The following PLA2G6 variants were observed in gnomAD, a reference collection of about 807,000 sequenced individuals.
The protein encoded by PLA2G6 is phospholipase A2 group VI, also known as 85/88 kDa calcium-independent phospholipase A2.
Under a neutral mutation model 83.8 loss-of-function variants are expected in PLA2G6, and 62 were observed. The ratio of observed to expected loss-of-function variants is 0.74; its 90% CI spans 0.60 to 0.91. The LOEUF is 0.91. Among genes scored for constraint, PLA2G6 ranks in the 40% least tolerant of loss-of-function variants. The pLI, the probability that PLA2G6 is intolerant of heterozygous loss-of-function variation, is 0.00. For missense variants in PLA2G6, 944 were observed against 1,102.0 expected (o/e 0.86, Z 2.03); for synonymous variants, 417 against 449.8 (o/e 0.93, Z 0.92).
At position 38,143,219 on chromosome 22, in the gene PLA2G6, C is replaced by G. The variant is rs150190277; in HGVS notation, c.495G>C (p.Gly165=). 7.2e-4 allele frequency: 1,165 copies of G among 1,614,166 alleles called. 6 individuals are homozygous for G. In the African/African-American group the frequency reaches 0.012, roughly 17 times the overall value. ...PLHLACRKGD[G]EILVELVQYC... ...ACTGCACCAGCTCCACCAGGATCTC[C>G]CCATCACCCTTGCGGCAGGCCAGGT... Residue 165 remains glycine (G), a synonymous_variant, in exon 4 of 17, where the codon GGG becomes GGC. Transcript: ENST00000332509.
intron 12 of PLA2G6, chr22:38,116,438 GT>G (rs919365374): frequency 4.3e-6 from 3 of 698,032 alleles, no homozygotes; most frequent in East Asian, 2.8e-5. Context: ...GCAAAAGTTG[GT>G]TTTTTTGAAA....
At chr22:38,115,772 T>TG in intron 13 of PLA2G6, 91 bp from the exon 14 acceptor site, 1 of 1,505,302 alleles carries the variant, frequency 6.6e-7, no homozygotes. Flanking sequence ...TGTTGGGGGC[T>TG]GGGGGTGCGG....
At chr22:38,156,845 A>C (rs1439797766) in intron 2 of PLA2G6, among the ~76,000 whole-genome samples, 1 of 152,216 alleles carries the variant, frequency 6.6e-6, no homozygotes, top group African/African-American at 2.4e-5. Context: ...TTTGCACACC[A>C]TACGAACACA....
chr22:38,177,024 GAC>G (rs1182097503), intron 1 of PLA2G6, among the ~76,000 whole-genome samples: 2 of 138,504 alleles, frequency 1.4e-5, no homozygotes, highest in Admixed American at 7.6e-5. Flanking sequence ...AAGCTTGGAT[GAC>G]AAAGTGAGAC....
At chr22:38,151,605 A>G (rs1345926233) in intron 2 of PLA2G6, among the ~76,000 whole-genome samples, 1 of 152,238 alleles carries the variant, frequency 6.6e-6, no homozygotes, top group East Asian at 1.9e-4. Context: ...GCATGAAAGA[A>G]TGAAGCACCA....
Position 38,128,183 on chromosome 22 carries a change from G to C in PLA2G6, c.1348+86C>G, listed in dbSNP as rs1312063275. On this transcript the variant is annotated intron_variant, in intron 9 of 16. Coordinates refer to ENST00000332509, the MANE Select transcript of PLA2G6 (RefSeq NM_003560.4). The surrounding 1 kb of genome is among the most constrained non-coding windows in gnomAD (Gnocchi z 4.4). ...GCTTCCTTTAGTGACTTCCGTCCTA[G>C]GGATCCTGTTGCTTTGGTGGGGCCT... The C allele has an allele frequency of 4.0e-5, 57 of 1,417,632 alleles. 1 individual carries two copies. The East Asian group carries it at 1.3e-3, about 31-fold the overall frequency. The allele number at this position is 1,417,632 out of a possible 1,614,324, so 87.8% of individuals were successfully genotyped here. A position where few individuals can be genotyped will look rare whatever the true frequency, so the allele number is the denominator to read the frequency against.
At chr22:38,158,707 G>A (rs571559512) in intron 2 of PLA2G6, among the ~76,000 whole-genome samples, 29 of 152,244 alleles carry the variant, frequency 1.9e-4, no homozygotes, top group African/African-American at 6.5e-4. Context: ...TTTTATATAG[G>A]TGTTCTTGAA....
intron 4 of PLA2G6, chr22:38,140,379 G>C: frequency 1.1e-5 from 6 of 539,542 alleles, no homozygotes; most frequent in South Asian, 3.9e-5. Context: ...ATGGTGGCAG[G>C]CACCTGTAAT....
chr22:38,126,755 T>C (rs1057485975), intron 9 of PLA2G6: 3 of 437,152 alleles, frequency 6.9e-6, no homozygotes, highest in African/African-American at 2.0e-5. Flanking sequence ...CCCCAAGGCA[T>C]GAATACCCTT....
At chr22:38,174,369 G>C (rs1021083971) in intron 1 of PLA2G6, among the ~76,000 whole-genome samples, 2 of 152,008 alleles carry the variant, frequency 1.3e-5, no homozygotes, top group African/African-American at 4.8e-5. Flanking sequence ...CTGCACTCCA[G>C]CCTGGGCGAG....
chr22:38,145,058 T>TG (rs2089169547), intron 3 of PLA2G6: 1 of 196,958 alleles, frequency 5.1e-6, no homozygotes, highest in African/African-American at 2.5e-5. Context: ...TTTTTTTTCC[T>TG]AGAGACAAGG....
At chr22:38,152,336 G>A (rs922639285) in intron 2 of PLA2G6, among the ~76,000 whole-genome samples, 1 of 152,024 alleles carries the variant, frequency 6.6e-6, no homozygotes, top group African/African-American at 2.4e-5. Flanking sequence ...GAGTAGCTAG[G>A]ATTACAGGCA....
chr22:38,128,866 T>C lies in PLA2G6; in HGVS notation c.1187-436A>G, dbSNP rs573112735. On this transcript the variant is annotated intron_variant, in intron 8 of 16. Transcript: ENST00000332509. This position sits in a 1 kb window ranked among gnomAD's most constrained non-coding sequence, Gnocchi z 4.4. ...AAAAGGAGGTCATAGATGCGGTGCA[T>C]GCAGACACACACGTGTGCACTGGCA... Among the ~76,000 whole-genome samples the C allele has an allele frequency of 2.0e-5, 3 of 152,326 alleles. No individual in the cohort carries two copies. The East Asian group carries it at 5.8e-4, about 29-fold the overall frequency.
At chr22:38,170,982 C>T (rs898694317) in intron 1 of PLA2G6, among the ~76,000 whole-genome samples, 1 of 152,066 alleles carries the variant, frequency 6.6e-6, no homozygotes, top group Non-Finnish European at 1.5e-5. Context: ...ACCAGCCTGA[C>T]CAACATGGAG....
rs189756461 is a variant in PLA2G6 at position 38,116,713 on chromosome 22, T to C, written c.1743-502A>G. On this transcript the variant is annotated intron_variant, in intron 12 of 16. Transcript: ENST00000332509. ...CTACTAATAATACAAAAATTAGGTG[T>C]GGTTGCGCATGCCTGTAATCCCAGC... is the stretch of plus-strand genomic sequence containing the variant. 1.0e-3 allele frequency among the ~76,000 whole-genome samples: 153 copies of C among 151,888 alleles called. 1 individual carries two copies. The highest frequency in any genetic ancestry group is 3.3e-3 in the African/African-American group (138 of 41,440).
intron 5 of PLA2G6, chr22:38,139,452 T>TTATTTATTTATTTATTTTC: frequency 6.6e-6 from 1 of 151,770 alleles, no homozygotes; most frequent in Non-Finnish European, 1.5e-5. Context: ...TATTTATTTT[T>TTATTTATTTATTTATTTTC]TGAGACAGTT....
intron 13 of PLA2G6, 113 bp downstream of exon 13, chr22:38,115,962 G>A (rs1320472032): frequency 1.3e-6 from 2 of 1,482,058 alleles, no homozygotes; most frequent in East Asian, 2.3e-5. Context: ...AGTGCAGCGG[G>A]TGGGCTGGTG....
intron 8 of PLA2G6, 138 bp downstream of exon 8, chr22:38,129,316 C>T (rs1261589407): frequency 2.0e-5 from 14 of 707,052 alleles, no homozygotes; most frequent in African/African-American, 5.3e-5. Flanking sequence ...TCTCTGAGTA[C>T]GAGGTGCTCC....
Position 38,160,951 on chromosome 22 carries a change from T to C in PLA2G6, c.209+8267A>G, listed in dbSNP as rs11912233. Among the ~76,000 whole-genome samples the C allele has an allele frequency of 3.3e-5, 5 of 152,260 alleles. No homozygotes were observed. The South Asian group carries it at 6.2e-4, about 19-fold the overall frequency. On this transcript the variant is annotated intron_variant, in intron 2 of 16. Transcript: ENST00000332509. Reference sequence around the variant, plus strand: ...GGTGCTGTAATGTCCTATCTCTAGATTCGAGTGGTGGTTACACAGGTGTTT... The same window carrying C: ...GGTGCTGTAATGTCCTATCTCTAGACTCGAGTGGTGGTTACACAGGTGTTT...
Sources: allele counts gnomAD v4.1 joint callset (sites outside exome capture counted in the v4.1 genomes callset), GRCh38; gene constraint gnomAD v4.1.1; non-coding constraint Gnocchi (gnomAD v3.1); transcripts MANE v1.5; gene names NCBI Gene and HGNC (gene_info 2026-07-23, HGNC 2026-07-21).